ANO2: variants seen among roughly 807,000 people sequenced by gnomAD.
The protein encoded by ANO2 is anoctamin 2.
Under a neutral mutation model 124.2 loss-of-function variants are expected in ANO2, and 101 were observed. The observed-to-expected ratio is 0.81, with a 90% CI of 0.69 to 0.96. The LOEUF (loss-of-function observed/expected upper bound fraction) is 0.96. Among genes scored for constraint, ANO2 ranks in the 40% least tolerant of loss-of-function variants. ANO2 has a pLI of 0.00. For missense variants in ANO2, 1,293 were observed against 1,274.5 expected, an observed-to-expected ratio of 1.01 and a Z score of -0.22; for synonymous variants, 486 against 482.5, an observed-to-expected ratio of 1.01 and a Z score of -0.09.
At chr12:5,639,708 G>C (rs577133331) in intron 15 of ANO2, among the ~76,000 whole-genome samples, 1 of 152,276 alleles carries the variant, frequency 6.6e-6, no homozygotes, top group South Asian at 2.1e-4. Context: ...CAGCCAGGAG[G>C]GGGCCCTGTA....
chr12:5,597,293 T>A (rs556686515), intron 20 of ANO2, among the ~76,000 whole-genome samples: 2 of 152,260 alleles, frequency 1.3e-5, no homozygotes, highest in Non-Finnish European at 2.9e-5. Context: ...TGTTCCTCTC[T>A]GTGTGTCCAT....
At chr12:5,649,131 G>A (rs1400955667) in intron 14 of ANO2, among the ~76,000 whole-genome samples, 1 of 152,150 alleles carries the variant, frequency 6.6e-6, no homozygotes, top group Non-Finnish European at 1.5e-5. Context: ...ACACCGAAAG[G>A]TTTAAGAATC....
At chr12:5,650,070 C>T (rs946172349) in intron 14 of ANO2, among the ~76,000 whole-genome samples, 5 of 152,130 alleles carry the variant, frequency 3.3e-5, no homozygotes, top group Non-Finnish European at 7.3e-5. Flanking sequence ...CAGGGAGGGA[C>T]TTTTCCTGAG....
intron 14 of ANO2, among the ~76,000 whole-genome samples, chr12:5,712,878 C>T (rs909342785): frequency 6.6e-6 from 1 of 152,120 alleles, no homozygotes; most frequent in Non-Finnish European, 1.5e-5. Context: ...GGGAAATGTT[C>T]GGCAGAAGAG....
intron 10 of ANO2, among the ~76,000 whole-genome samples, chr12:5,766,117 G>T (rs141689503): frequency 1.2e-3 from 180 of 152,292 alleles, no homozygotes; most frequent in African/African-American, 4.2e-3. Flanking sequence ...CTATAAACAG[G>T]TACAGGTATT....
rs1225998544 is a variant in ANO2, at chr12:5,787,127, A to C, written c.1055+12380T>G. On this transcript the variant is annotated intron_variant, in intron 10 of 24. Transcript: ENST00000682330. This position sits in a 1 kb window ranked among gnomAD's most constrained non-coding sequence, Gnocchi z 4.2. ...CAGAGTCATGATGGCCAGGCTGCCC[A>C]CAAGTCCTTCAGAAGGACAAAGGGC... is the stretch of plus-strand genomic sequence containing the variant. Among the ~76,000 whole-genome samples, 1 of 152,122 alleles carries C rather than the reference A, an allele frequency of 6.6e-6. No individual in the cohort carries two copies. The highest frequency in any genetic ancestry group is 1.5e-5 in the Non-Finnish European group (1 of 68,018).
chr12:5,812,471 G>A (rs1179275914), intron 7 of ANO2, among the ~76,000 whole-genome samples: 15 of 108,336 alleles, frequency 1.4e-4, no homozygotes, highest in African/African-American at 5.7e-4. Flanking sequence ...AGGAAGGAAG[G>A]GGGAGGAAGG....
intron 20 of ANO2, among the ~76,000 whole-genome samples, chr12:5,587,883 TG>T (rs1169534759): frequency 1.8e-4 from 27 of 152,126 alleles, no homozygotes; most frequent in Admixed American, 7.2e-4. Flanking sequence ...CCAAGCCTGC[TG>T]GGCCCCAGCC....
intron 20 of ANO2, 79 bp downstream of exon 20, chr12:5,599,405 C>A (rs1286827671): frequency 6.8e-7 from 1 of 1,479,686 alleles, no homozygotes; most frequent in East Asian, 2.4e-5. Flanking sequence ...TTTCCCCAAT[C>A]CCCTACCTTC....
At chr12:5,753,706 G>A (rs767605713) in intron 10 of ANO2, among the ~76,000 whole-genome samples, 3 of 152,188 alleles carry the variant, frequency 2.0e-5, no homozygotes, top group Non-Finnish European at 2.9e-5. Context: ...GGTTGTTAGT[G>A]CACAGAAATG....
At chr12:5,728,553 A>G (rs1342244106) in intron 14 of ANO2, among the ~76,000 whole-genome samples, 1 of 152,234 alleles carries the variant, frequency 6.6e-6, no homozygotes, top group East Asian at 1.9e-4. Context: ...TATTGCTAAG[A>G]TGGCAATTCT....
intron 1 of ANO2, among the ~76,000 whole-genome samples, chr12:5,928,513 T>TCCTTA (rs1942200471): frequency 1.5e-5 from 2 of 136,464 alleles, no homozygotes; most frequent in East Asian, 5.1e-4. Flanking sequence ...TTCCTTCCTC[T>TCCTTA]CTAGTCTACC....
rs760238447 is a variant in ANO2 at position 5,578,527 on chromosome 12, G to A, written c.2234-9C>T. 4 of 1,611,280 alleles carry A rather than the reference G, an allele frequency of 2.5e-6. No individual in the cohort carries two copies. Among genetic ancestry groups the A allele is most frequent in the Admixed American group, 1.7e-5 (1 of 59,650 alleles). Reference sequence around the variant, plus strand: ...AAAACCAAACTGGATGACTGCGAGAGAGCACAGCATGAGGGCTTCAGCAGG... The same window carrying A: ...AAAACCAAACTGGATGACTGCGAGAAAGCACAGCATGAGGGCTTCAGCAGG... On this transcript the variant is annotated splice_polypyrimidine_tract_variant and intron_variant, in intron 20 of 24. Transcript: ENST00000682330.
intron 3 of ANO2, among the ~76,000 whole-genome samples, chr12:5,891,165 G>A (rs1371190066): frequency 6.6e-6 from 1 of 152,092 alleles, no homozygotes; most frequent in African/African-American, 2.4e-5. Context: ...AACCCAGAAG[G>A]GGTCATTAGC....
upstream of ANO2, among the ~76,000 whole-genome samples, chr12:5,945,482 C>G (rs1943067815): frequency 6.6e-6 from 1 of 152,242 alleles, no homozygotes; most frequent in African/African-American, 2.4e-5. Context: ...GTCCAGGACA[C>G]ACTCGGGTCC....
Position 5,769,094 on chromosome 12 carries a change from GAAAGGCAGAGGAAGA to G in ANO2, c.1056-18139_1056-18125del. On this transcript the variant is annotated intron_variant, in intron 10 of 24. Transcript: ENST00000682330. The surrounding 1 kb of genome is among the most constrained non-coding windows in gnomAD (Gnocchi z 4.0). ...GGATGAGAACTGCTCAAAAATTCCA[GAAAGGCAGAGGAAGA>G]AAACACACCATTTGCAAGGAGAGGA... is the stretch of plus-strand genomic sequence containing the variant. Among the ~76,000 whole-genome samples the G allele has an allele frequency of 6.6e-6, 1 of 152,256 alleles. No individual in the cohort carries two copies. Among genetic ancestry groups the G allele is most frequent in the East Asian group, 1.9e-4 (1 of 5,174 alleles).
In ANO2 at chr12:5,658,761, AATC is replaced by A. The variant is rs571995277; in HGVS notation, c.1546-10963_1546-10961del. Among the ~76,000 whole-genome samples, 15 of 151,866 alleles carry A rather than the reference AATC, an allele frequency of 9.9e-5. No homozygotes were observed. Among genetic ancestry groups the A allele is most frequent in the African/African-American group, 3.4e-4 (14 of 41,336 alleles). On this transcript the variant is annotated intron_variant, in intron 14 of 24. Coordinates refer to ENST00000682330, the MANE Select transcript of ANO2 (RefSeq NM_001364791.2). This position sits in a 1 kb window ranked among gnomAD's most constrained non-coding sequence, Gnocchi z 4.3. The stretch of plus-strand genomic sequence containing the variant: ...ATCATCAACATCATTATCATCATTA[AATC>A]ATCATCAGCATCAATATTATCATTG...
chr12:5,823,761 C>T (rs984443063), intron 7 of ANO2, among the ~76,000 whole-genome samples: 1 of 152,232 alleles, frequency 6.6e-6, no homozygotes, highest in Non-Finnish European at 1.5e-5. Context: ...CCCCACATTT[C>T]CCCTGCACAC....
At chr12:5,781,822 T>C (rs559419994) in intron 10 of ANO2, among the ~76,000 whole-genome samples, 1 of 152,380 alleles carries the variant, frequency 6.6e-6, no homozygotes, top group African/African-American at 2.4e-5. Context: ...GGATATATGC[T>C]GTATGATCTC....
Sources: gnomAD v4.1 joint callset for allele counts (sites outside exome capture counted in the v4.1 genomes callset) on GRCh38, gnomAD v4.1.1 for gene constraint, Gnocchi (gnomAD v3.1) non-coding constraint, MANE v1.5 for transcripts, NCBI Gene and HGNC (gene_info 2026-07-23, HGNC 2026-07-21) for gene names.